Variants in SLC1A3 observed in about 807,000 individuals in gnomAD.
SLC1A3 encodes the protein solute carrier family 1 member 3, also known as excitatory amino acid transporter 1.
Under a neutral mutation model 48.1 loss-of-function variants are expected in SLC1A3, and 21 were observed. The observed-to-expected ratio is 0.44, with a 90% CI of 0.31 to 0.63. The LOEUF (loss-of-function observed/expected upper bound fraction) is 0.63. SLC1A3 is among the 20% of genes least tolerant of loss of function. The pLI, the probability that SLC1A3 is intolerant of heterozygous loss-of-function variation, is 0.08. For missense variants in SLC1A3, 546 were observed against 689.0 expected, an observed-to-expected ratio of 0.79 and a Z score of 2.32; for synonymous variants, 239 against 251.4, an observed-to-expected ratio of 0.95 and a Z score of 0.47.
chr5:36,603,976 T>C (rs1488755567), upstream of SLC1A3, among the ~76,000 whole-genome samples: 1 of 152,258 alleles, frequency 6.6e-6, no homozygotes, highest in Non-Finnish European at 1.5e-5. Flanking sequence ...TTGACTGGCC[T>C]GTACCATGCT....
chr5:36,679,936 G>A, intron 7 of SLC1A3, 76 bp downstream of exon 7: 1 of 985,298 alleles, frequency 1.0e-6, no homozygotes, highest in South Asian at 1.3e-5. Context: ...TGTAGGAGAA[G>A]CCATTTTATT....
At chr5:36,626,170 T>A (rs1455497505) in intron 2 of SLC1A3, among the ~76,000 whole-genome samples, 2 of 152,168 alleles carry the variant, frequency 1.3e-5, no homozygotes, top group Non-Finnish European at 2.9e-5. Flanking sequence ...AGGAAGAGGC[T>A]GTATACACAA....
At chr5:36,639,235 A>C (rs955549272) in intron 3 of SLC1A3, among the ~76,000 whole-genome samples, 1 of 152,158 alleles carries the variant, frequency 6.6e-6, no homozygotes, top group Non-Finnish European at 1.5e-5. Flanking sequence ...TATCTACACG[A>C]TGGGGATAAT....
chr5:36,678,316 C>A (rs1166724213), intron 6 of SLC1A3, among the ~76,000 whole-genome samples: 1 of 152,194 alleles, frequency 6.6e-6, no homozygotes, highest in Admixed American at 6.5e-5. Flanking sequence ...CAGGAGCCCC[C>A]ACTTGGAAGG....
rs149159424 is a variant in SLC1A3, at chr5:36,662,257, G to A, written c.320-8772G>A. Reference sequence around the variant, plus strand: ...AGACAGGGCTTTCCACGTGATAGAGGTTTCTTTCCAAACCCAGGCTTTACA... The same window carrying A: ...AGACAGGGCTTTCCACGTGATAGAGATTTCTTTCCAAACCCAGGCTTTACA... On this transcript the variant is annotated intron_variant, in intron 3 of 9. Transcript: ENST00000265113. Among the ~76,000 whole-genome samples, 75 of 152,302 alleles carry A rather than the reference G, an allele frequency of 4.9e-4. 1 individual carries two copies. The highest frequency in any genetic ancestry group is 1.7e-3 in the African/African-American group (69 of 41,548).
chr5:36,621,682 G>A lies in SLC1A3; in HGVS notation c.182-7768G>A, dbSNP rs530905083. The stretch of plus-strand genomic sequence containing the variant: ...GCAATAGAGTTATCCAGGATCACAC[G>A]GGGAGTTAAGGGCTAGGACTAGAAT... On this transcript the variant is annotated intron_variant, in intron 2 of 9. Transcript: ENST00000265113. Among the ~76,000 whole-genome samples the A allele has an allele frequency of 2.1e-3, 314 of 152,256 alleles. 1 individual carries two copies. Among genetic ancestry groups the A allele is most frequent in the Admixed American group, 3.5e-3 (54 of 15,300 alleles).
In SLC1A3 at chr5:36,686,297, C is replaced by T; in HGVS notation, c.*28C>T. ...TAACATAAAGAAACACTTTCTTGAG[C>T]ACCAGGTGTTAAAAACCATTATAAA... On this transcript the variant is annotated 3_prime_UTR_variant, in exon 10 of 10. Transcript: ENST00000265113. 1 of 1,528,384 alleles carries T rather than the reference C, an allele frequency of 6.5e-7. No homozygotes were observed. 94.7% of individuals were successfully genotyped at this position (1,528,384 alleles called of 1,614,324 possible).
intron 2 of SLC1A3, among the ~76,000 whole-genome samples, chr5:36,616,056 C>T (rs1200018198): frequency 1.3e-5 from 2 of 152,072 alleles, no homozygotes; most frequent in Non-Finnish European, 2.9e-5. Flanking sequence ...ATTAGCCAGG[C>T]GCGGTGGCGG....
chr5:36,623,782 T>C (rs1739786719), intron 2 of SLC1A3, among the ~76,000 whole-genome samples: 1 of 150,864 alleles, frequency 6.6e-6, no homozygotes, highest in African/African-American at 2.4e-5. Context: ...GAGAATCGCT[T>C]GAACCCAGAG....
At chr5:36,651,139 TTTAAAAA>T (rs1741045862) in intron 3 of SLC1A3, among the ~76,000 whole-genome samples, 1 of 68,358 alleles carries the variant, frequency 1.5e-5, no homozygotes, top group Admixed American at 1.7e-4. Context: ...CTAAGTTTTT[TTTAAAAA>T]AAAAAAAAAA....
chr5:36,647,218 T>A (rs950351496), intron 3 of SLC1A3, among the ~76,000 whole-genome samples: 1 of 152,238 alleles, frequency 6.6e-6, no homozygotes, highest in Non-Finnish European at 1.5e-5. Context: ...AATTTGGTCA[T>A]TTGCCTCTTA....
chr5:36,662,647 A>G (rs186941850), intron 3 of SLC1A3, among the ~76,000 whole-genome samples: 7 of 152,334 alleles, frequency 4.6e-5, no homozygotes, highest in Admixed American at 4.6e-4. Context: ...GGGTATCCAA[A>G]TCACCTCGCA....
intron 8 of SLC1A3, among the ~76,000 whole-genome samples, chr5:36,681,763 A>G (rs188293313): frequency 6.6e-6 from 1 of 152,324 alleles, no homozygotes; most frequent in South Asian, 2.1e-4. Flanking sequence ...TCTAATGGCA[A>G]TGGGACACTT....
At chr5:36,680,321 C>A in intron 7 of SLC1A3, 74 bp from the exon 8 acceptor site, 1 of 1,273,122 alleles carries the variant, frequency 7.9e-7, no homozygotes, top group Non-Finnish European at 1.1e-6. Context: ...AACTGTCTGT[C>A]CCAAAGACCA....
At chr5:36,612,567 T>A (rs1361402204) in intron 2 of SLC1A3, among the ~76,000 whole-genome samples, 1 of 151,368 alleles carries the variant, frequency 6.6e-6, no homozygotes, top group Non-Finnish European at 1.5e-5. Context: ...CCAGCCTGGA[T>A]GACAGAGCGA....
At chr5:36,642,122 G>A (rs1323845805) in intron 3 of SLC1A3, among the ~76,000 whole-genome samples, 1 of 152,132 alleles carries the variant, frequency 6.6e-6, no homozygotes, top group Non-Finnish European at 1.5e-5. Flanking sequence ...TCTCCGAACT[G>A]GGTACATTGG....
intron 3 of SLC1A3, among the ~76,000 whole-genome samples, chr5:36,639,455 A>G (rs1429471684): frequency 6.6e-6 from 1 of 152,232 alleles, no homozygotes; most frequent in African/African-American, 2.4e-5. Flanking sequence ...GTATTCTCCT[A>G]TGCAGATATG....
At chr5:36,651,868 T>C (rs1444601555) in intron 3 of SLC1A3, among the ~76,000 whole-genome samples, 1 of 152,144 alleles carries the variant, frequency 6.6e-6, no homozygotes, top group Non-Finnish European at 1.5e-5. Flanking sequence ...AAAAGTACTA[T>C]ATGCTGCATA....
intron 1 of SLC1A3, among the ~76,000 whole-genome samples, chr5:36,599,974 A>G (rs1202682024): frequency 6.6e-6 from 1 of 152,158 alleles, no homozygotes; most frequent in African/African-American, 2.4e-5. Flanking sequence ...GGCATGCACC[A>G]CTATTTATTA....
Sources: gnomAD v4.1 joint callset for allele counts (sites outside exome capture counted in the v4.1 genomes callset) on GRCh38, gnomAD v4.1.1 for gene constraint, MANE v1.5 for transcripts, NCBI Gene and HGNC (gene_info 2026-07-23, HGNC 2026-07-21) for gene names.